FARP2: variants seen among roughly 807,000 people sequenced by gnomAD.
The protein encoded by FARP2 is FERM, ARHGEF and pleckstrin domain-containing protein 2.
Under a neutral mutation model 130.5 loss-of-function variants are expected in FARP2, and 111 were observed. The observed-to-expected ratio is 0.85, with a 90% CI of 0.73 to 1.00. The LOEUF (loss-of-function observed/expected upper bound fraction) is 1.00. FARP2 is among the 50% of genes least tolerant of loss of function. The pLI is 0.00. For synonymous variants in FARP2, 504 were observed against 516.9 expected (o/e 0.98, Z 0.34); for missense variants, 1,385 against 1,346.3 (o/e 1.03, Z -0.45).
At chr2:241,383,815 G>T (rs937547608) in intron 2 of FARP2, among the ~76,000 whole-genome samples, 1 of 152,112 alleles carries the variant, frequency 6.6e-6, no homozygotes, top group South Asian at 2.1e-4. Context: ...GCACTAGGGA[G>T]CCCATGGGAA....
chr2:241,369,210 GTTTT>G (rs35249795), intron 1 of FARP2, among the ~76,000 whole-genome samples: 7,970 of 152,152 alleles, frequency 0.052, 289 homozygotes, highest in Non-Finnish European at 0.076. Flanking sequence ...TAGGAAAAGT[GTTTT>G]TTATTTGTCT....
rs1245212181 is a variant in FARP2 at position 241,442,675 on chromosome 2, A to C, written c.1411+1119A>C. 14 of 339,762 alleles carry C rather than the reference A, an allele frequency of 4.1e-5. 1 individual carries two copies. Among genetic ancestry groups the C allele is most frequent in the South Asian group, 3.3e-4 (14 of 42,794 alleles). 21.0% of individuals were successfully genotyped at this position (339,762 alleles called of 1,614,324 possible). A position where few individuals can be genotyped will look rare whatever the true frequency, so the allele number is the denominator to read the frequency against. On this transcript the variant is annotated intron_variant, in intron 13 of 26. Transcript: ENST00000264042. The stretch of plus-strand genomic sequence containing the variant: ...TTTTTTTAATTTCCTGATTTATTAT[A>C]CTTTTTTGAATGTCAAAAAATTTGA...
At chr2:241,419,924 C>A (rs1406259708) in intron 8 of FARP2, among the ~76,000 whole-genome samples, 1 of 152,108 alleles carries the variant, frequency 6.6e-6, no homozygotes, top group Non-Finnish European at 1.5e-5. Context: ...CTAAGGTGGG[C>A]AGATTGCTTG....
At chr2:241,368,214 C>T (rs1201155114) in intron 1 of FARP2, among the ~76,000 whole-genome samples, 1 of 152,096 alleles carries the variant, frequency 6.6e-6, no homozygotes, top group Admixed American at 6.5e-5. Context: ...GTATCGGCCA[C>T]CAGAAATGTT....
intron 4 of FARP2, among the ~76,000 whole-genome samples, chr2:241,407,112 T>C (rs2062381448): frequency 6.6e-6 from 1 of 152,232 alleles, no homozygotes; most frequent in South Asian, 2.1e-4. Context: ...CCAGCCCTAC[T>C]TGTTTTTAAG....
intron 13 of FARP2, among the ~76,000 whole-genome samples, chr2:241,450,016 A>G (rs1222506903): frequency 3.3e-5 from 5 of 151,924 alleles, no homozygotes; most frequent in Non-Finnish European, 7.4e-5. Flanking sequence ...CAAAAAAAAA[A>G]AAAAGAAAAT....
intron 18 of FARP2, among the ~76,000 whole-genome samples, chr2:241,471,001 C>G (rs1228406190): frequency 6.6e-6 from 1 of 151,140 alleles, no homozygotes; most frequent in Non-Finnish European, 1.5e-5. Flanking sequence ...GGACACTACC[C>G]TGAGCGGATC....
intron 2 of FARP2, among the ~76,000 whole-genome samples, chr2:241,393,922 A>G (rs1474541110): frequency 1.3e-5 from 2 of 152,196 alleles, no homozygotes; most frequent in Non-Finnish European, 2.9e-5. Context: ...TTTTTATACT[A>G]TGTTCTTAAT....
intron 2 of FARP2, among the ~76,000 whole-genome samples, chr2:241,378,755 A>G (rs913892863): frequency 6.6e-6 from 1 of 152,198 alleles, no homozygotes; most frequent in East Asian, 1.9e-4. Context: ...AGAAATCTGT[A>G]TGATGTATTT....
intron 6 of FARP2, among the ~76,000 whole-genome samples, chr2:241,412,080 G>A (rs2062534308): frequency 6.6e-6 from 1 of 152,200 alleles, no homozygotes; most frequent in Non-Finnish European, 1.5e-5. Context: ...CTGGGATGGA[G>A]CCTCAGATCG....
intron 6 of FARP2, among the ~76,000 whole-genome samples, chr2:241,412,600 G>C (rs2062548855): frequency 6.6e-6 from 1 of 152,080 alleles, no homozygotes. Flanking sequence ...ATTAGACAGA[G>C]ACATTATTCA....
At chr2:241,443,044 A>G in intron 13 of FARP2, 1 of 206,788 alleles carries the variant, frequency 4.8e-6, no homozygotes, top group Non-Finnish European at 9.6e-6. Flanking sequence ...AGATGGCCAT[A>G]GGCCATGGCC....
In FARP2 at chr2:241,436,495, C is replaced by T. The variant is rs768217821; in HGVS notation, c.1115C>T (p.Thr372Ile). The change falls in exon 12 of 27, where the codon ACC becomes ATC. Residue 372 changes from threonine to isoleucine, a missense_variant. By Grantham distance (89) the Thr-to-Ile change is moderately conservative (BLOSUM62 -1). Transcript: ENST00000264042. Reference protein sequence around the residue: ...RIPYERRHSKTHTSVRALTAD... With the variant: ...RIPYERRHSKIHTSVRALTAD... ...CTGTTTTGCAGAAGGCACAGCAAGA[C>T]CCACACGTCCGTTCGAGCTCTGACT... 6.2e-7 allele frequency: 1 copy of T among 1,614,180 alleles called. No homozygotes were observed. Among genetic ancestry groups the T allele is most frequent in the African/African-American group, 1.3e-5 (1 of 75,046 alleles).
At position 241,484,230 on chromosome 2, in the gene FARP2, G is replaced by T; in HGVS notation, c.2332-12G>T. The T allele has an allele frequency of 3.7e-6, 6 of 1,614,048 alleles. No individual in the cohort carries two copies. Among genetic ancestry groups the T allele is most frequent in the Non-Finnish European group, 4.2e-6 (5 of 1,179,918 alleles). On this transcript the variant is annotated splice_polypyrimidine_tract_variant and intron_variant, in intron 20 of 26. Coordinates refer to ENST00000264042, the MANE Select transcript of FARP2 (RefSeq NM_014808.4). Reference sequence around the variant, plus strand: ...TGTGAAGTTCATGGATGTAAAGCTTGCTGCTTCTCAGTTCTCAGATATGTT... The same window carrying T: ...TGTGAAGTTCATGGATGTAAAGCTTTCTGCTTCTCAGTTCTCAGATATGTT...
Position 241,466,163 on chromosome 2 carries a change from G to A in FARP2, c.1894-1977G>A. ...TGGGTGTCAGAGGCCAAGACCCCAGGTTGGGATCAGGGACCACCCCCTCAC... is the reference window on the plus strand; with the variant it reads ...TGGGTGTCAGAGGCCAAGACCCCAGATTGGGATCAGGGACCACCCCCTCAC... On this transcript the variant is annotated intron_variant, in intron 17 of 26. Coordinates refer to ENST00000264042, the MANE Select transcript of FARP2 (RefSeq NM_014808.4). 3.8e-6 allele frequency: 4 copies of A among 1,062,874 alleles called. No homozygotes were observed. The South Asian group carries it at 9.5e-5, about 25-fold the overall frequency. 65.8% of individuals were successfully genotyped at this position (1,062,874 alleles called of 1,614,324 possible).
At chr2:241,412,344 T>G (rs1304861615) in intron 6 of FARP2, among the ~76,000 whole-genome samples, 1 of 152,076 alleles carries the variant, frequency 6.6e-6, no homozygotes, top group African/African-American at 2.4e-5. Context: ...GAGTTATAAT[T>G]CAAGATGAGA....
chr2:241,436,684 A>AG, intron 12 of FARP2, 146 bp downstream of exon 12: 1 of 743,076 alleles, frequency 1.3e-6, no homozygotes. Flanking sequence ...GTTTTCAGAA[A>AG]GGGGTCCTGA....
At position 241,373,159 on chromosome 2, in the gene FARP2, T is replaced by G. The variant is rs149811606; in HGVS notation, c.52T>G (p.Leu18Val). ...AGTCCTGCAGACTGCAGGGATGCGC[T>G]TGGGTGCCCAGACCCCTGTGGGAGT... ...YRVLQTAGMR[L>V]GAQTPVGVST... The change falls in exon 2 of 27, where the codon TTG (leucine) becomes GTG (valine). Residue 18 changes from leucine to valine, a missense_variant. Coordinates refer to ENST00000264042, the MANE Select transcript of FARP2 (RefSeq NM_014808.4). 1.0e-4 allele frequency: 157 copies of G among 1,552,174 alleles called. No homozygotes were observed. The highest frequency in any genetic ancestry group is 1.3e-4 in the Non-Finnish European group (154 of 1,141,132).
At chr2:241,413,472 A>C in intron 7 of FARP2, 51 bp downstream of exon 7, 1 of 1,225,302 alleles carries the variant, frequency 8.2e-7, no homozygotes, top group Non-Finnish European at 1.2e-6. Flanking sequence ...GTAATGACTA[A>C]AGAGTGTGTA....
Sources: allele counts gnomAD v4.1 joint callset (sites outside exome capture counted in the v4.1 genomes callset), GRCh38; gene constraint gnomAD v4.1.1; transcripts MANE v1.5; gene names NCBI Gene and HGNC (gene_info 2026-07-23, HGNC 2026-07-21).